ACTL6B: variants seen among roughly 807,000 people sequenced by gnomAD.
ACTL6B encodes actin like 6B.
A neutral mutation model predicts 63.3 loss-of-function variants in ACTL6B; 48 were observed. The ratio of observed to expected loss-of-function variants is 0.76; its 90% confidence interval spans 0.60 to 0.96. ACTL6B has a LOEUF of 0.96. ACTL6B is among the 50% of genes least tolerant of loss of function. ACTL6B has a pLI of 0.00. For synonymous variants in ACTL6B, 230 were observed against 223.8 expected, an observed-to-expected ratio of 1.03 and a Z score of -0.25; for missense variants, 350 against 572.2, an observed-to-expected ratio of 0.61 and a Z score of 3.96.
chr7:100,652,766 GCCAAGGTC>G (rs1803964401), intron 4 of ACTL6B, among the ~76,000 whole-genome samples: 1 of 150,592 alleles, frequency 6.6e-6, no homozygotes, highest in Non-Finnish European at 1.5e-5. Context: ...ACTTTGGGAG[GCCAAGGTC>G]GGTGGATCAC....
chr7:100,645,118 G>T (rs770078826), intron 13 of ACTL6B, among the ~76,000 whole-genome samples: 27 of 152,110 alleles, frequency 1.8e-4, no homozygotes, highest in Non-Finnish European at 3.7e-4. Flanking sequence ...CTTCAGCCCT[G>T]AGCTAAGTTC....
intron 5 of ACTL6B, chr7:100,649,835 G>A (rs1803900578): frequency 1.9e-6 from 1 of 529,588 alleles, no homozygotes. Flanking sequence ...GAACCGAAAG[G>A]GGCCGCTGAT....
chr7:100,650,192 C>A, intron 4 of ACTL6B, 57 bp from the exon 5 acceptor site: 1 of 1,490,214 alleles, frequency 6.7e-7, no homozygotes, highest in East Asian at 2.3e-5. Context: ...AGACCCACAT[C>A]CACGCACACG....
intron 13 of ACTL6B, among the ~76,000 whole-genome samples, chr7:100,643,664 C>T (rs965784062): frequency 6.6e-6 from 1 of 152,004 alleles, no homozygotes; most frequent in African/African-American, 2.4e-5. Flanking sequence ...ACACCCCCTA[C>T]ACACACACAG....
chr7:100,652,081 C>G (rs904552111), intron 4 of ACTL6B, among the ~76,000 whole-genome samples: 1 of 151,982 alleles, frequency 6.6e-6, no homozygotes. Context: ...CAGTGGGCTC[C>G]TGAAGAAATT....
intron 5 of ACTL6B, among the ~76,000 whole-genome samples, chr7:100,649,716 G>A (rs1803897223): frequency 6.6e-6 from 1 of 152,226 alleles, no homozygotes. Flanking sequence ...TGTTGAAGGA[G>A]TTCTTGGGAA....
intron 5 of ACTL6B, among the ~76,000 whole-genome samples, chr7:100,649,373 C>T (rs1159871660): frequency 6.6e-6 from 1 of 151,734 alleles, no homozygotes; most frequent in Non-Finnish European, 1.5e-5. Flanking sequence ...CAATAGCTCA[C>T]TGCAACCTCT....
intron 1 of ACTL6B, among the ~76,000 whole-genome samples, 184 bp from the exon 2 acceptor site, chr7:100,656,063 C>A (rs2131339870): frequency 6.6e-6 from 1 of 152,374 alleles, no homozygotes; most frequent in Non-Finnish European, 1.5e-5. Context: ...CCGCCAGGGT[C>A]CCTTCTTGCC....
Position 100,655,564 on chromosome 7 carries a change from C to T in ACTL6B, c.125G>A (p.Gly42Glu), listed in dbSNP as rs1804024114. The change falls in exon 3 of 14, where the codon GGG becomes GAG. Residue 42 changes from glycine to glutamate, a missense_variant. Around this residue, in one of 3 missense-constraint regions of ACTL6B, gnomAD observed 250 missense variants for 364.7 expected, o/e 0.69. Transcript: ENST00000160382. This position sits in a 1 kb window ranked among gnomAD's most constrained non-coding sequence, Gnocchi z 4.4. ...GCCCCCCTCCTCCGCGGCCAGCAGCCCCACTGTGGTGGGGAAGTCAGCCTG... is the reference window on the plus strand; with the variant it reads ...GCCCCCCTCCTCCGCGGCCAGCAGCTCCACTGTGGTGGGGAAGTCAGCCTG... ...CPKADFPTTVGLLAAEEGGGL... is the reference protein window; with the variant it reads ...CPKADFPTTVELLAAEEGGGL... The T allele has an allele frequency of 2.5e-6, 4 of 1,613,282 alleles. No individual in the cohort carries two copies. Among genetic ancestry groups the T allele is most frequent in the African/African-American group, 1.3e-5 (1 of 74,940 alleles).
At chr7:100,644,040 C>T (rs1003085686) in intron 13 of ACTL6B, among the ~76,000 whole-genome samples, 4 of 152,104 alleles carry the variant, frequency 2.6e-5, no homozygotes, top group African/African-American at 9.7e-5. Context: ...GCTGGGATTA[C>T]AGGCGCGTGC....
In ACTL6B at chr7:100,655,762, C is replaced by T; in HGVS notation, c.102+41G>A. 1 of 1,548,678 alleles carries T rather than the reference C, an allele frequency of 6.5e-7. No homozygotes were observed. The highest frequency in any genetic ancestry group is 8.7e-7 in the Non-Finnish European group (1 of 1,145,628). On this transcript the variant is annotated intron_variant, in intron 2 of 13. Coordinates refer to ENST00000160382, the MANE Select transcript of ACTL6B (RefSeq NM_016188.5). The surrounding 1 kb of genome is among the most constrained non-coding windows in gnomAD (Gnocchi z 4.4). ...GTCACTGGAAAGCCTGAAGAAGGGT[C>T]CGAAGCCCCTAGGATTTGGAGAGGA... is the stretch of plus-strand genomic sequence containing the variant.
At chr7:100,649,930 C>T in intron 5 of ACTL6B, 108 bp downstream of exon 5, 1 of 984,686 alleles carries the variant, frequency 1.0e-6, no homozygotes, top group East Asian at 2.6e-5. Flanking sequence ...CATTGGGACA[C>T]TGATCTTCAG....
chr7:100,648,883 A>G lies in ACTL6B; in HGVS notation c.468-60T>C. On this transcript the variant is annotated intron_variant, in intron 5 of 13. Transcript: ENST00000160382. The surrounding 1 kb of genome is among the most constrained non-coding windows in gnomAD (Gnocchi z 4.4). Reference sequence around the variant, plus strand: ...CAGCAAGTGAGGGGCCTGGGCCCAGATCTTGTCTGGTCACTCTCTGCTCTA... The same window carrying G: ...CAGCAAGTGAGGGGCCTGGGCCCAGGTCTTGTCTGGTCACTCTCTGCTCTA... The G allele has an allele frequency of 3.9e-6, 6 of 1,522,692 alleles. No homozygotes were observed. Among genetic ancestry groups the G allele is most frequent in the Non-Finnish European group, 5.3e-6 (6 of 1,124,066 alleles). The allele number at this position is 1,522,692 out of a possible 1,614,324, so 94.3% of individuals were successfully genotyped here.
chr7:100,655,526 C>G lies in ACTL6B; in HGVS notation c.163G>C (p.Glu55Gln), dbSNP rs1584471801. 1 of 1,614,138 alleles carries G rather than the reference C, an allele frequency of 6.2e-7. No homozygotes were observed. Among genetic ancestry groups the G allele is most frequent in the African/African-American group, 1.3e-5 (1 of 75,052 alleles). ...AAEEGGGLEL[E>Q]GDKEKKGKIF... ...TTCCCTTTCTTCTCTTTGTCCCCCTCCAGCTCCAGCCCGCCCCCCTCCTCC... is the reference window on the plus strand; with the variant it reads ...TTCCCTTTCTTCTCTTTGTCCCCCTGCAGCTCCAGCCCGCCCCCCTCCTCC... The change falls in exon 3 of 14, where the codon GAG (glutamate) becomes CAG (glutamine). Residue 55 changes from glutamate (E) to glutamine (Q), a missense_variant. Glu to Gln is a conservative substitution (Grantham distance 29). Coordinates refer to ENST00000160382, the MANE Select transcript of ACTL6B (RefSeq NM_016188.5). The surrounding 1 kb of genome is among the most constrained non-coding windows in gnomAD (Gnocchi z 4.4).
At chr7:100,656,214 G>T in intron 1 of ACTL6B, 116 bp downstream of exon 1, 1 of 1,235,510 alleles carries the variant, frequency 8.1e-7, no homozygotes, top group Non-Finnish European at 1.0e-6. Flanking sequence ...ACCCGAGCCT[G>T]AGACTCGACC....
Position 100,646,272 on chromosome 7 carries a change from C to T in ACTL6B, c.1177G>A (p.Gly393Arg), listed in dbSNP as rs986702153. ...TMERKFSPWI[G>R]GSILASLGTF... is the part of the protein sequence containing the mutation. ...ACCAGTGAGGCCAGGATGGAACCCC[C>T]GATCCAGGGGCTGAACTTGCGCTCC... Residue 393 changes from glycine (G) to arginine (R), a missense_variant, in exon 13 of 14, where the codon GGG becomes AGG. Transcript: ENST00000160382. This position sits in a 1 kb window ranked among gnomAD's most constrained non-coding sequence, Gnocchi z 6.1. 6 of 1,614,016 alleles carry T rather than the reference C, an allele frequency of 3.7e-6. No homozygotes were observed. Among genetic ancestry groups the T allele is most frequent in the Admixed American group, 1.7e-5 (1 of 59,984 alleles).
rs1804028103 is a variant in ACTL6B, at chr7:100,655,764, G to A, written c.102+39C>T. The stretch of plus-strand genomic sequence containing the variant: ...CACTGGAAAGCCTGAAGAAGGGTCC[G>A]AAGCCCCTAGGATTTGGAGAGGAGA... On this transcript the variant is annotated intron_variant, in intron 2 of 13. Transcript: ENST00000160382. This position sits in a 1 kb window ranked among gnomAD's most constrained non-coding sequence, Gnocchi z 4.4. 6.5e-7 allele frequency: 1 copy of A among 1,548,396 alleles called. No individual in the cohort carries two copies.
At chr7:100,656,078 G>A (rs1804035116) in intron 1 of ACTL6B, among the ~76,000 whole-genome samples, 199 bp from the exon 2 acceptor site, 1 of 152,256 alleles carries the variant, frequency 6.6e-6, no homozygotes, top group Non-Finnish European at 1.5e-5. Context: ...CTTGCCCAAT[G>A]GCCTTGCTCA....
In ACTL6B at chr7:100,655,264, G is replaced by A. The variant is rs1262610035; in HGVS notation, c.269-145C>T. On this transcript the variant is annotated intron_variant, in intron 3 of 13. Coordinates refer to ENST00000160382, the MANE Select transcript of ACTL6B (RefSeq NM_016188.5). The surrounding 1 kb of genome is among the most constrained non-coding windows in gnomAD (Gnocchi z 4.4). ...ACGCCCCCCTTCCCAGAAACCTGGT[G>A]GGCCCCTGGGAAGGGAACCCAGCGA... 2.5e-6 allele frequency: 3 copies of A among 1,192,930 alleles called. No homozygotes were observed. The highest frequency in any genetic ancestry group is 3.0e-5 in the African/African-American group (2 of 66,166). 73.9% of individuals were successfully genotyped at this position (1,192,930 alleles called of 1,614,324 possible). A position where few individuals can be genotyped will look rare whatever the true frequency, so the allele number is the denominator to read the frequency against.
Sources: allele counts gnomAD v4.1 joint callset (sites outside exome capture counted in the v4.1 genomes callset), GRCh38; gene constraint gnomAD v4.1.1; regional missense constraint gnomAD v4.1.1; non-coding constraint Gnocchi (gnomAD v3.1); transcripts MANE v1.5; gene names NCBI Gene and HGNC (gene_info 2026-07-23, HGNC 2026-07-21).